Variants in PCDHGA2 observed in about 807,000 individuals in gnomAD.
PCDHGA2 encodes protocadherin gamma subfamily A, 2.
PCDHGA2 carries 40 observed loss-of-function variants against 59.2 expected under a neutral mutation model. The ratio of observed to expected loss-of-function variants is 0.68; its 90% CI spans 0.52 to 0.88. PCDHGA2 has a LOEUF of 0.88. Among genes scored for constraint, PCDHGA2 ranks in the 40% least tolerant of loss-of-function variants. The pLI, the probability that PCDHGA2 is intolerant of heterozygous loss-of-function variation, is 0.00. For missense variants in PCDHGA2, 1,226 were observed against 1,204.0 expected (o/e 1.02, Z -0.27); for synonymous variants, 560 against 526.0 (o/e 1.06, Z -0.89).
intron 1 of PCDHGA2, among the ~76,000 whole-genome samples, chr5:141,450,561 A>G (rs1381887193): frequency 6.6e-6 from 1 of 151,856 alleles, no homozygotes; most frequent in Admixed American, 6.6e-5. Flanking sequence ...GTCTCGGCTC[A>G]CTGCAACTTC....
rs747671382 is a variant in PCDHGA2, at chr5:141,444,152, A to ATTTT, written c.2425-50622_2425-50619dup. Among the ~76,000 whole-genome samples the ATTTT allele has an allele frequency of 5.0e-4, 17 of 33,898 alleles. 5 individuals carry two copies. Among genetic ancestry groups the ATTTT allele is most frequent in the African/African-American group, 7.0e-4 (5 of 7,184 alleles). 22.2% of individuals were successfully genotyped at this position (33,898 alleles called of 152,430 possible). ...GATATGTGTCACTTGTGTGTACTGG[A>ATTTT]TTTTTTTTTTTTTTTTTTTTTTTTT... On this transcript the variant is annotated intron_variant, in intron 1 of 3. Transcript: ENST00000394576.
chr5:141,454,894 G>A (rs1371368633), intron 1 of PCDHGA2, among the ~76,000 whole-genome samples: 2 of 126,736 alleles, frequency 1.6e-5, no homozygotes, highest in Non-Finnish European at 3.1e-5. Context: ...TGCTAGCACC[G>A]CCTCCCGGGT....
intron 1 of PCDHGA2, chr5:141,420,342 T>C: frequency 7.2e-7 from 1 of 1,388,390 alleles, no homozygotes; most frequent in Non-Finnish European, 9.6e-7. Flanking sequence ...AATATAGTGG[T>C]ATTATTTTAA....
intron 1 of PCDHGA2, chr5:141,357,812 C>T (rs1027882295): frequency 1.1e-5 from 8 of 753,406 alleles, no homozygotes; most frequent in African/African-American, 1.8e-5. Context: ...TTGTTTATTA[C>T]TTATCCTTTT....
Position 141,489,712 on chromosome 5 carries a change from C to G in PCDHGA2, c.2425-5095C>G. On this transcript the variant is annotated intron_variant, in intron 1 of 3. Transcript: ENST00000394576. The surrounding 1 kb of genome is among the most constrained non-coding windows in gnomAD (Gnocchi z 4.5). ...GGCACGATTCCCACTGGACAGTGCC[C>G]AGGATCCGGATGTGGGCACCAATAC... The G allele has an allele frequency of 6.2e-7, 1 of 1,614,162 alleles. No individual in the cohort carries two copies. Among genetic ancestry groups the G allele is most frequent in the South Asian group, 1.1e-5 (1 of 91,078 alleles).
At chr5:141,379,831 C>T (rs1242791393) in intron 1 of PCDHGA2, among the ~76,000 whole-genome samples, 3 of 142,262 alleles carry the variant, frequency 2.1e-5, no homozygotes, top group Non-Finnish European at 4.5e-5. Context: ...TTTGAAGCAT[C>T]AGGAAAAAAA....
intron 1 of PCDHGA2, chr5:141,484,980 A>C (rs1387732109): frequency 1.7e-6 from 1 of 593,836 alleles, no homozygotes; most frequent in Admixed American, 3.1e-5. Flanking sequence ...CTGTCTGCCA[A>C]TCGGGTGGTG....
chr5:141,347,424 C>A (rs1015166008), intron 1 of PCDHGA2, among the ~76,000 whole-genome samples: 1 of 151,938 alleles, frequency 6.6e-6, no homozygotes, highest in Non-Finnish European at 1.5e-5. Context: ...CAAAGTACTG[C>A]GATTAGAGGC....
chr5:141,439,115 C>A (rs2098087976), intron 1 of PCDHGA2, among the ~76,000 whole-genome samples: 1 of 151,476 alleles, frequency 6.6e-6, no homozygotes, highest in Non-Finnish European at 1.5e-5. Context: ...ATCACTTGAA[C>A]CCGGGAGACA....
Position 141,509,375 on chromosome 5 carries a change from T to C in PCDHGA2, c.2573-1572T>C, listed in dbSNP as rs1450730489. Among the ~76,000 whole-genome samples, 6 of 152,168 alleles carry C rather than the reference T, an allele frequency of 3.9e-5. No homozygotes were observed. In the East Asian group the frequency reaches 1.2e-3, roughly 29 times the overall value. On this transcript the variant is annotated intron_variant, in intron 3 of 3. Coordinates refer to ENST00000394576, the MANE Select transcript of PCDHGA2 (RefSeq NM_018915.4). ...GGGCATCCCTGAGGTTTTAACTGTC[T>C]CCTAACCACAGAGGATCTCAGGGCC...
intron 1 of PCDHGA2, chr5:141,414,202 G>A: frequency 6.2e-7 from 1 of 1,611,912 alleles, no homozygotes; most frequent in Non-Finnish European, 8.5e-7. Flanking sequence ...TACAGTAGAA[G>A]ATGTAAATGA....
Position 141,494,692 on chromosome 5 carries a change from C to T in PCDHGA2, c.2425-115C>T. On this transcript the variant is annotated intron_variant, in intron 1 of 3. Coordinates refer to ENST00000394576, the MANE Select transcript of PCDHGA2 (RefSeq NM_018915.4). ...AGTCCACCCCTGCCCCCTCTTAGTC[C>T]GTTTTCTTCTCTGTGCCCACTCCCC... 2.5e-6 allele frequency: 4 copies of T among 1,581,934 alleles called. No individual in the cohort carries two copies. In the African/African-American group the frequency reaches 4.0e-5, roughly 16 times the overall value.
chr5:141,488,793 C>G (rs1274193018), intron 1 of PCDHGA2, among the ~76,000 whole-genome samples: 1 of 152,172 alleles, frequency 6.6e-6, no homozygotes, highest in African/African-American at 2.4e-5. Context: ...TTTGTCTTCC[C>G]TGTTGAGTAC....
intron 1 of PCDHGA2, chr5:141,350,838 T>G: frequency 6.2e-7 from 1 of 1,614,066 alleles, no homozygotes; most frequent in African/African-American, 1.3e-5. Flanking sequence ...GTATTACTGC[T>G]GGAAAAACCT....
intron 1 of PCDHGA2, chr5:141,400,157 C>G (rs778405500): frequency 3.7e-6 from 6 of 1,614,050 alleles, no homozygotes; most frequent in African/African-American, 1.3e-5. Context: ...CGCCCTGTAC[C>G]CTCTGACCCC....
At position 141,492,138 on chromosome 5, in the gene PCDHGA2, T is replaced by C. The variant is rs577884713; in HGVS notation, c.2425-2669T>C. ...ATTTCTCCCCAGCTCCCAGCATCTG[T>C]GACTTCACTGTTACCCTCCCTATCC... On this transcript the variant is annotated intron_variant, in intron 1 of 3. Coordinates refer to ENST00000394576, the MANE Select transcript of PCDHGA2 (RefSeq NM_018915.4). 2.4e-3 allele frequency among the ~76,000 whole-genome samples: 366 copies of C among 152,312 alleles called. 1 individual carries two copies. Among genetic ancestry groups the C allele is most frequent in the Non-Finnish European group, 3.5e-3 (238 of 68,014 alleles).
intron 1 of PCDHGA2, chr5:141,390,294 TA>T: frequency 6.2e-7 from 1 of 1,613,956 alleles, no homozygotes; most frequent in South Asian, 1.1e-5. Flanking sequence ...GAGTTTCCTT[TA>T]AGTATAATTT....
At chr5:141,443,050 T>C (rs1290373918) in intron 1 of PCDHGA2, among the ~76,000 whole-genome samples, 1 of 152,236 alleles carries the variant, frequency 6.6e-6, no homozygotes, top group Non-Finnish European at 1.5e-5. Flanking sequence ...AAAATTATTG[T>C]TCCACTGAAG....
intron 1 of PCDHGA2, among the ~76,000 whole-genome samples, chr5:141,449,298 T>C (rs1197693931): frequency 6.6e-6 from 1 of 152,058 alleles, no homozygotes; most frequent in Non-Finnish European, 1.5e-5. Flanking sequence ...CCGGGTGAAT[T>C]ATATGTATTA....
Sources: gnomAD v4.1 joint callset for allele counts (sites outside exome capture counted in the v4.1 genomes callset) on GRCh38, gnomAD v4.1.1 for gene constraint, Gnocchi (gnomAD v3.1) non-coding constraint, MANE v1.5 for transcripts, NCBI Gene and HGNC (gene_info 2026-07-23, HGNC 2026-07-21) for gene names.